The following CHD9 variants were observed in gnomAD, a reference collection of about 807,000 sequenced individuals.
CHD9 encodes the protein chromodomain helicase DNA binding protein 9.
CHD9 carries 77 observed loss-of-function variants against 316.1 expected under a neutral mutation model. The observed-to-expected ratio is 0.24, with a 90% CI of 0.20 to 0.29. The LOEUF (loss-of-function observed/expected upper bound fraction) is 0.29. Ranked by LOEUF, CHD9 falls within the 10% of genes least tolerant of loss-of-function variation. CHD9 has a pLI of 1.00. For synonymous variants in CHD9, 1,129 were observed against 1,158.3 expected (o/e 0.97, Z 0.51); for missense variants, 2,763 against 3,438.1 (o/e 0.80, Z 4.91).
chr16:53,201,826 T>G (rs759944697), intron 2 of CHD9, among the ~76,000 whole-genome samples: 1 of 151,706 alleles, frequency 6.6e-6, no homozygotes, highest in African/African-American at 2.4e-5. Context: ...AGGCAAAAAT[T>G]TGGGGGGATC....
At chr16:53,128,528 G>C (rs1300161501) in intron 1 of CHD9, among the ~76,000 whole-genome samples, 2 of 152,200 alleles carry the variant, frequency 1.3e-5, no homozygotes, top group Non-Finnish European at 2.9e-5. Context: ...GGGACCTAGA[G>C]AGTGTGGCCA....
intron 2 of CHD9, among the ~76,000 whole-genome samples, chr16:53,173,836 G>C (rs1296898985): frequency 6.6e-6 from 1 of 151,950 alleles, no homozygotes; most frequent in Non-Finnish European, 1.5e-5. Context: ...GAGCCACCGT[G>C]CCCAGCCAAA....
chr16:53,130,923 T>G (rs1281360867), intron 1 of CHD9: 1 of 151,424 alleles, frequency 6.6e-6, no homozygotes, highest in Non-Finnish European at 1.5e-5. Context: ...TCGCAGGGGC[T>G]GGTGGGGTCG....
At chr16:53,150,569 A>G (rs562076483) in intron 1 of CHD9, among the ~76,000 whole-genome samples, 4 of 152,314 alleles carry the variant, frequency 2.6e-5, no homozygotes, top group African/African-American at 9.6e-5. Context: ...TACCTTTAGC[A>G]GCATTCTTTG....
intron 24 of CHD9, among the ~76,000 whole-genome samples, chr16:53,275,093 A>G (rs911354861): frequency 6.6e-6 from 1 of 152,142 alleles, no homozygotes; most frequent in Non-Finnish European, 1.5e-5. Flanking sequence ...GTGCAGTGGC[A>G]TGATACTGGC....
At chr16:53,250,839 G>A (rs1018262007) in intron 17 of CHD9, among the ~76,000 whole-genome samples, 1 of 151,618 alleles carries the variant, frequency 6.6e-6, no homozygotes, top group African/African-American at 2.4e-5. Flanking sequence ...TATAAAACTA[G>A]TCAAGTGTAG....
In CHD9 at chr16:53,327,314, T is replaced by G. The variant is rs2057577036; in HGVS notation, c.*2419T>G. The G allele has an allele frequency of 6.6e-6, 1 of 152,584 alleles. No individual in the cohort carries two copies. Among genetic ancestry groups the G allele is most frequent in the Non-Finnish European group, 1.5e-5 (1 of 67,990 alleles). 9.5% of individuals were successfully genotyped at this position (152,584 alleles called of 1,614,324 possible). On this transcript the variant is annotated 3_prime_UTR_variant, in exon 39 of 39. Transcript: ENST00000447540. ...TCAGGTTTTATGATTCAAGTCTTAGTCCAATCTTTCTTTTGGACATTTGCA... is the reference window on the plus strand; with the variant it reads ...TCAGGTTTTATGATTCAAGTCTTAGGCCAATCTTTCTTTTGGACATTTGCA...
At chr16:53,056,964 A>C (rs773013096) in intron 1 of CHD9, among the ~76,000 whole-genome samples, 1 of 151,972 alleles carries the variant, frequency 6.6e-6, no homozygotes, top group Non-Finnish European at 1.5e-5. Flanking sequence ...CCTGTGCAAC[A>C]GAGCAAGGCC....
At chr16:53,187,178 G>T (rs968269290) in intron 2 of CHD9, among the ~76,000 whole-genome samples, 8 of 152,190 alleles carry the variant, frequency 5.3e-5, no homozygotes, top group African/African-American at 1.9e-4. Context: ...ATAAGTGATA[G>T]TTGAAGCTAT....
chr16:53,063,085 A>G (rs1020523434), intron 1 of CHD9, among the ~76,000 whole-genome samples: 2 of 152,036 alleles, frequency 1.3e-5, no homozygotes, highest in African/African-American at 4.8e-5. Context: ...AATACCCACC[A>G]CTTACTGGGT....
At position 53,120,527 on chromosome 16, in the gene CHD9, C is replaced by T. The variant is rs182369800; in HGVS notation, c.-164-35399C>T. 1.6e-3 allele frequency among the ~76,000 whole-genome samples: 243 copies of T among 152,108 alleles called. 3 individuals carry two copies. In the South Asian group the frequency reaches 0.024, roughly 15 times the overall value. ...ACTAAGGAGGCTGAAGCAGGAGAAT[C>T]GCTTGAAACCGGGAGGCGGAGGCTA... On this transcript the variant is annotated intron_variant, in intron 1 of 38. Coordinates refer to ENST00000447540, the MANE Select transcript of CHD9 (RefSeq NM_001308319.2).
At chr16:53,241,862 T>C (rs936158193) in intron 12 of CHD9, among the ~76,000 whole-genome samples, 1 of 152,168 alleles carries the variant, frequency 6.6e-6, no homozygotes, top group Non-Finnish European at 1.5e-5. Flanking sequence ...TTTTAAAAAT[T>C]TATGTCAAAT....
At position 53,297,065 on chromosome 16, in the gene CHD9, A is replaced by G. The variant is rs2153065144; in HGVS notation, c.5620A>G (p.Arg1874Gly). 1 of 1,613,832 alleles carries G rather than the reference A, an allele frequency of 6.2e-7. No individual in the cohort carries two copies. The highest frequency in any genetic ancestry group is 2.2e-5 in the East Asian group (1 of 44,858). ...TTGGACAAAATTTAGAGCTATGGCT[A>G]GGCTACATAAGAAAACTGATGATAG... Reference protein sequence around the residue: ...FDWTKFRAMARLHKKTDDSLE... With the variant: ...FDWTKFRAMAGLHKKTDDSLE... Residue 1874 changes from arginine (R) to glycine (G), a missense_variant, in exon 30 of 39, where the codon AGG becomes GGG. Physicochemically the swap from Arg to Gly is moderately radical, Grantham distance 125. Around this residue, in one of 15 missense-constraint regions of CHD9, gnomAD observed 183 missense variants for 258.5 expected, o/e 0.71. Coordinates refer to ENST00000447540, the MANE Select transcript of CHD9 (RefSeq NM_001308319.2).
At chr16:53,295,832 G>C (rs770369780) in intron 29 of CHD9, among the ~76,000 whole-genome samples, 5 of 152,140 alleles carry the variant, frequency 3.3e-5, no homozygotes, top group Non-Finnish European at 5.9e-5. Flanking sequence ...AGCAAGGACA[G>C]GGTTCTACAC....
At position 53,303,915 on chromosome 16, in the gene CHD9, T is replaced by C; in HGVS notation, c.5909T>C (p.Leu1970Ser). 1 of 1,614,028 alleles carries C rather than the reference T, an allele frequency of 6.2e-7. No individual in the cohort carries two copies. The highest frequency in any genetic ancestry group is 8.5e-7 in the Non-Finnish European group (1 of 1,179,890). ...GAATGTGGCCCTCATGATAGGGATT[T>C]GCTTATTGGTGCTGCCAAACACGGG... ...WWECGPHDRD[L>S]LIGAAKHGVS... is the part of the protein sequence containing the mutation. Residue 1970 changes from leucine (L) to serine (S), a missense_variant, in exon 31 of 39, where the codon TTG becomes TCG. This residue lies in a region of CHD9 where 663 missense variants were observed against 751.2 expected (regional missense o/e 0.88). Coordinates refer to ENST00000447540, the MANE Select transcript of CHD9 (RefSeq NM_001308319.2).
rs1381551626 is a variant in CHD9 at position 53,157,111 on chromosome 16, A to T, written c.1022A>T (p.His341Leu). 7 of 1,611,280 alleles carry T rather than the reference A, an allele frequency of 4.3e-6. No individual in the cohort carries two copies. The highest frequency in any genetic ancestry group is 5.1e-6 in the Non-Finnish European group (6 of 1,178,362). Residue 341 changes from histidine (H) to leucine (L), a missense_variant, in exon 2 of 39, where the codon CAT becomes CTT. Physicochemically the swap from His to Leu is moderately conservative, Grantham distance 99. Transcript: ENST00000447540. ...AATTCAAATAATTTCCAAATATTGCATTCATCACATCCTCAGGGTAATTAT... is the reference window on the plus strand; with the variant it reads ...AATTCAAATAATTTCCAAATATTGCTTTCATCACATCCTCAGGGTAATTAT... ...SLNSNNFQIL[H>L]SSHPQGNYSN...
intron 1 of CHD9, among the ~76,000 whole-genome samples, chr16:53,075,283 T>G (rs2034426906): frequency 6.6e-6 from 1 of 152,208 alleles, no homozygotes; most frequent in South Asian, 2.1e-4. Flanking sequence ...TACAGGCTCA[T>G]AGACAGAAGG....
chr16:53,289,577 G>A (rs1358174263), intron 27 of CHD9, among the ~76,000 whole-genome samples: 1 of 152,150 alleles, frequency 6.6e-6, no homozygotes, highest in African/African-American at 2.4e-5. Flanking sequence ...CCAATCAGGA[G>A]AGATAACCCA....
chr16:53,309,327 G>A (rs2056259771), intron 34 of CHD9, among the ~76,000 whole-genome samples: 1 of 151,992 alleles, frequency 6.6e-6, no homozygotes, highest in South Asian at 2.1e-4. Flanking sequence ...TTTTATTATT[G>A]GGCAGCTCAA....
Sources: allele counts gnomAD v4.1 joint callset (sites outside exome capture counted in the v4.1 genomes callset), GRCh38; gene constraint gnomAD v4.1.1; regional missense constraint gnomAD v4.1.1; transcripts MANE v1.5; gene names NCBI Gene and HGNC (gene_info 2026-07-23, HGNC 2026-07-21).